Variants in TAOK3 observed in about 807,000 individuals in gnomAD.
TAOK3 encodes serine/threonine-protein kinase TAO3.
TAOK3 carries 40 observed loss-of-function variants against 120.4 expected under a neutral mutation model. That is an observed-to-expected ratio of 0.33 (90% CI 0.26 to 0.43). The LOEUF (loss-of-function observed/expected upper bound fraction) is 0.43, where lower values mean the gene tolerates loss of function less well. TAOK3 is among the 20% of genes least tolerant of loss of function. TAOK3 has a pLI of 1.00. For synonymous variants in TAOK3, 355 were observed against 387.5 expected (o/e 0.92, Z 0.99); for missense variants, 821 against 1,112.1 (o/e 0.74, Z 3.72).
At chr12:118,165,820 T>C (rs1479351791) in intron 17 of TAOK3, among the ~76,000 whole-genome samples, 1 of 152,230 alleles carries the variant, frequency 6.6e-6, no homozygotes, top group Admixed American at 6.5e-5. Context: ...GCATATAATA[T>C]CTTAAATCTA....
chr12:118,339,274 ACT>A (rs1491205915), intron 1 of TAOK3, among the ~76,000 whole-genome samples: 10 of 104,940 alleles, frequency 9.5e-5, no homozygotes, highest in Non-Finnish European at 1.3e-4. Context: ...TCTTCATCAT[ACT>A]TTTTTTTTTT....
intron 14 of TAOK3, among the ~76,000 whole-genome samples, chr12:118,183,466 C>A (rs2036890250): frequency 4.6e-5 from 7 of 151,396 alleles, no homozygotes; most frequent in Admixed American, 4.0e-4. Flanking sequence ...TATTTTAAGA[C>A]CAAAAAAGGA....
chr12:118,201,299 C>T lies in TAOK3; in HGVS notation c.984G>A (p.Glu328=). The T allele has an allele frequency of 2.5e-6, 4 of 1,611,816 alleles. No individual in the cohort carries two copies. In the South Asian group the frequency reaches 3.3e-5, roughly 13 times the overall value. The change falls in exon 12 of 21, where the codon GAG becomes GAA. Residue 328 remains glutamate, a synonymous_variant. Coordinates refer to ENST00000392533, the MANE Select transcript of TAOK3 (RefSeq NM_016281.4). ...TGCTAAAATAAATTGAACCTACTTC[C>T]TCATCCTCCTGTGACTCATTCAAGG... ...NGPLNESQED[E]EDSEHGTSLN...
chr12:118,333,147 T>G (rs965858870), intron 1 of TAOK3, among the ~76,000 whole-genome samples: 1 of 152,208 alleles, frequency 6.6e-6, no homozygotes, highest in Non-Finnish European at 1.5e-5. Context: ...CTAACTGATA[T>G]TTAATAAACA....
At chr12:118,351,966 C>T (rs553489130) in intron 1 of TAOK3, among the ~76,000 whole-genome samples, 7 of 149,888 alleles carry the variant, frequency 4.7e-5, no homozygotes, top group South Asian at 4.2e-4. Flanking sequence ...CTCCGCCTCC[C>T]GGGTTCATGC....
intron 1 of TAOK3, among the ~76,000 whole-genome samples, chr12:118,352,434 G>C: frequency 6.6e-6 from 1 of 151,456 alleles, no homozygotes; most frequent in East Asian, 2.0e-4. Flanking sequence ...GAACCTGGGA[G>C]GCAGAGGTTG....
At chr12:118,231,774 T>C (rs2039793798) in intron 9 of TAOK3, among the ~76,000 whole-genome samples, 1 of 151,718 alleles carries the variant, frequency 6.6e-6, no homozygotes, top group South Asian at 2.1e-4. Flanking sequence ...AAACACAAAA[T>C]TAGCCAGGCG....
chr12:118,353,736 T>C lies in TAOK3; in HGVS notation c.-194+18912A>G, dbSNP rs897699495. On this transcript the variant is annotated intron_variant, in intron 1 of 20. Coordinates refer to ENST00000392533, the MANE Select transcript of TAOK3 (RefSeq NM_016281.4). ...GATGTAATGAGCCTTGAGACTATTATGTTAGGAATTCTCAGAAACAAGGAA... is the reference window on the plus strand; with the variant it reads ...GATGTAATGAGCCTTGAGACTATTACGTTAGGAATTCTCAGAAACAAGGAA... 1.3e-4 allele frequency among the ~76,000 whole-genome samples: 20 copies of C among 152,162 alleles called. 1 individual carries two copies. Among genetic ancestry groups the C allele is most frequent in the South Asian group, 4.1e-4 (2 of 4,834 alleles).
At chr12:118,230,555 G>A (rs1218478954) in intron 9 of TAOK3, among the ~76,000 whole-genome samples, 2 of 124,456 alleles carry the variant, frequency 1.6e-5, no homozygotes, top group African/African-American at 3.1e-5. Flanking sequence ...TGCAAGCTCT[G>A]CCTCCCAGGT....
intron 1 of TAOK3, among the ~76,000 whole-genome samples, chr12:118,305,261 G>A (rs1340477271): frequency 6.6e-6 from 1 of 152,086 alleles, no homozygotes; most frequent in Non-Finnish European, 1.5e-5. Flanking sequence ...CGGGAGGATT[G>A]TTTGAGGTCA....
chr12:118,167,287 G>A (rs1182624881), intron 17 of TAOK3, among the ~76,000 whole-genome samples: 1 of 152,052 alleles, frequency 6.6e-6, no homozygotes, highest in Non-Finnish European at 1.5e-5. Flanking sequence ...TGCTTTGTTG[G>A]TGGGAGTATA....
intron 1 of TAOK3, among the ~76,000 whole-genome samples, chr12:118,304,675 T>C (rs1275962119): frequency 6.6e-6 from 1 of 152,254 alleles, no homozygotes; most frequent in Admixed American, 6.5e-5. Flanking sequence ...ATGTTATATG[T>C]GTACAACTTG....
chr12:118,321,577 T>C (rs895827629), intron 1 of TAOK3, among the ~76,000 whole-genome samples: 10 of 152,102 alleles, frequency 6.6e-5, no homozygotes, highest in Non-Finnish European at 1.0e-4. Flanking sequence ...CATAAAAAAG[T>C]TCAAACAAGA....
At chr12:118,252,562 T>A (rs922006851) in intron 3 of TAOK3, among the ~76,000 whole-genome samples, 9 of 152,116 alleles carry the variant, frequency 5.9e-5, no homozygotes, top group Admixed American at 2.0e-4. Flanking sequence ...AAAATAGATA[T>A]GTATATTGTA....
At chr12:118,288,145 T>G (rs1437125605) in intron 1 of TAOK3, among the ~76,000 whole-genome samples, 5 of 151,940 alleles carry the variant, frequency 3.3e-5, no homozygotes, top group African/African-American at 4.8e-5. Context: ...CCCTGAAAAG[T>G]TTCCCTTAAG....
intron 1 of TAOK3, among the ~76,000 whole-genome samples, chr12:118,369,915 G>A (rs887688871): frequency 2.0e-5 from 3 of 151,886 alleles, no homozygotes; most frequent in Admixed American, 6.6e-5. Context: ...CTGCTCTGTC[G>A]CCAGGCTGGA....
At chr12:118,280,654 T>C (rs1409646932) in intron 1 of TAOK3, among the ~76,000 whole-genome samples, 1 of 152,214 alleles carries the variant, frequency 6.6e-6, no homozygotes, top group Non-Finnish European at 1.5e-5. Context: ...TTGTTCTTTT[T>C]GCTTAGAATT....
At chr12:118,276,776 G>A (rs1593383129) in intron 1 of TAOK3, among the ~76,000 whole-genome samples, 3 of 151,994 alleles carry the variant, frequency 2.0e-5, no homozygotes, top group African/African-American at 4.8e-5. Flanking sequence ...AGGCCAAGGC[G>A]GGTGGATCAC....
intron 1 of TAOK3, among the ~76,000 whole-genome samples, chr12:118,367,976 C>T (rs1252019217): frequency 2.6e-5 from 4 of 152,124 alleles, no homozygotes; most frequent in African/African-American, 9.7e-5. Context: ...AAACATTACA[C>T]CAAATTAGAT....
Sources: allele counts gnomAD v4.1 joint callset (sites outside exome capture counted in the v4.1 genomes callset), GRCh38; gene constraint gnomAD v4.1.1; transcripts MANE v1.5; gene names NCBI Gene and HGNC (gene_info 2026-07-23, HGNC 2026-07-21).